PDE4D: variants seen among roughly 807,000 people sequenced by gnomAD.
PDE4D encodes the protein 3',5'-cyclic-AMP phosphodiesterase 4D.
In PDE4D, 24 loss-of-function variants were observed where a neutral mutation model predicts 87.4. The observed-to-expected ratio is 0.27, with a 90% confidence interval of 0.20 to 0.39. PDE4D has a LOEUF of 0.39. Ranked by LOEUF, PDE4D falls within the 10% of genes least tolerant of loss-of-function variation. The pLI is 1.00. For missense variants in PDE4D, 714 were observed against 1,041.0 expected (o/e 0.69, Z 4.32); for synonymous variants, 384 against 383.2 (o/e 1.00, Z -0.02).
At chr5:59,473,710 G>C (rs1212945261) in intron 1 of PDE4D, among the ~76,000 whole-genome samples, 1 of 152,078 alleles carries the variant, frequency 6.6e-6, no homozygotes, top group Admixed American at 6.6e-5. Flanking sequence ...TAAGAAATTT[G>C]TGAAGCTAGA....
At chr5:59,653,546 C>A (rs1348068242) in intron 1 of PDE4D, among the ~76,000 whole-genome samples, 1 of 152,058 alleles carries the variant, frequency 6.6e-6, no homozygotes, top group Non-Finnish European at 1.5e-5. Flanking sequence ...TATAAATAAA[C>A]AATAAGCAGG....
In PDE4D at chr5:59,702,941, A is replaced by G. The variant is rs559844676; in HGVS notation, c.455+190227T>C. On this transcript the variant is annotated intron_variant, in intron 1 of 14. Transcript: ENST00000340635. ...AAAAGCCAAAATGCATCCAAGTATC[A>G]TAAGTGAAAAAGTGAGCTTCTTAGC... Among the ~76,000 whole-genome samples the G allele has an allele frequency of 7.6e-4, 116 of 152,116 alleles. 3 individuals are homozygous for G. In the South Asian group the frequency reaches 0.022, roughly 29 times the overall value.
At chr5:59,672,737 T>C (rs1747433829) in intron 1 of PDE4D, among the ~76,000 whole-genome samples, 1 of 152,130 alleles carries the variant, frequency 6.6e-6, no homozygotes, top group Non-Finnish European at 1.5e-5. Flanking sequence ...ATAGAAAAAA[T>C]GATGCATATG....
At position 59,616,467 on chromosome 5, in the gene PDE4D, A is replaced by C. The variant is rs1829684025; in HGVS notation, c.455+276701T>G. Among the ~76,000 whole-genome samples, 7 of 152,292 alleles carry C rather than the reference A, an allele frequency of 4.6e-5. No individual in the cohort carries two copies. The South Asian group carries it at 1.4e-3, about 32-fold the overall frequency. Reference sequence around the variant, plus strand: ...AGATCTATGATCCCTCAAACCATTAAAAGTTATAACTCTGTGATAAATATA... The same window carrying C: ...AGATCTATGATCCCTCAAACCATTACAAGTTATAACTCTGTGATAAATATA... On this transcript the variant is annotated intron_variant, in intron 1 of 14. Coordinates refer to ENST00000340635, the MANE Select transcript of PDE4D (RefSeq NM_001104631.2).
intron 5 of PDE4D, among the ~76,000 whole-genome samples, chr5:59,104,712 G>C (rs942142245): frequency 1.3e-5 from 2 of 152,036 alleles, no homozygotes; most frequent in Non-Finnish European, 1.5e-5. Context: ...AGGAAAGAAG[G>C]AACAAAGGAA....
intron 1 of PDE4D, among the ~76,000 whole-genome samples, chr5:60,425,159 T>G (rs1743574295): frequency 6.6e-6 from 1 of 152,180 alleles, no homozygotes; most frequent in South Asian, 2.1e-4. Context: ...CCAATGACTT[T>G]CTTCACAGAA....
intron 3 of PDE4D, among the ~76,000 whole-genome samples, chr5:59,966,265 C>T (rs893985745): frequency 6.6e-6 from 1 of 152,206 alleles, no homozygotes; most frequent in Non-Finnish European, 1.5e-5. Flanking sequence ...GCTTCATTGT[C>T]TCATGACCCC....
chr5:59,282,914 A>C (rs1205817700), intron 1 of PDE4D, among the ~76,000 whole-genome samples: 2 of 152,162 alleles, frequency 1.3e-5, no homozygotes, highest in Non-Finnish European at 2.9e-5. Context: ...CTAATGTAAA[A>C]CAGCTGCTCT....
At chr5:59,028,357 A>T (rs1459615174) in intron 6 of PDE4D, among the ~76,000 whole-genome samples, 3 of 151,868 alleles carry the variant, frequency 2.0e-5, no homozygotes, top group Non-Finnish European at 2.9e-5. Context: ...ACTTTATCAA[A>T]AGGATAGAAA....
intron 2 of PDE4D, among the ~76,000 whole-genome samples, chr5:60,078,339 C>T (rs1234498853): frequency 1.3e-5 from 2 of 152,080 alleles, no homozygotes; most frequent in African/African-American, 4.8e-5. Context: ...CTTAGCAATG[C>T]TTTAGTTGTA....
intron 5 of PDE4D, among the ~76,000 whole-genome samples, chr5:59,110,527 T>A (rs185495419): frequency 6.6e-6 from 1 of 152,360 alleles, no homozygotes; most frequent in Non-Finnish European, 1.5e-5. Context: ...TTATCTTATT[T>A]AATCCTTATA....
intron 1 of PDE4D, among the ~76,000 whole-genome samples, chr5:59,599,042 T>C (rs1247742013): frequency 6.6e-6 from 1 of 152,146 alleles, no homozygotes; most frequent in East Asian, 1.9e-4. Context: ...ATCAGAAGCA[T>C]ATTTGCTAGG....
rs183796991 is a variant in PDE4D at position 60,421,534 on chromosome 5, G to T, written c.-90+66408C>A. 7.9e-5 allele frequency among the ~76,000 whole-genome samples: 12 copies of T among 152,308 alleles called. No homozygotes were observed. In the East Asian group the frequency reaches 1.9e-3, roughly 24 times the overall value. ...GGACATCCACACCAAAACCCCATCT[G>T]TAGGTCACCAACATGAAAGACCAAA... On this transcript the variant is annotated intron_variant, in intron 1 of 16. Transcript: ENST00000502484.
At chr5:59,808,409 T>C (rs1767976488) in intron 1 of PDE4D, among the ~76,000 whole-genome samples, 1 of 152,238 alleles carries the variant, frequency 6.6e-6, no homozygotes, top group African/African-American at 2.4e-5. Context: ...ATTTTGGTTT[T>C]AACATACAAG....
chr5:59,292,825 C>T (rs529112759), intron 1 of PDE4D, among the ~76,000 whole-genome samples: 1 of 152,204 alleles, frequency 6.6e-6, no homozygotes, highest in African/African-American at 2.4e-5. Context: ...GTATGGACCA[C>T]AGAACCCTGG....
chr5:59,717,395 TACA>T (rs1037071904), intron 1 of PDE4D, among the ~76,000 whole-genome samples: 1 of 152,182 alleles, frequency 6.6e-6, no homozygotes, highest in Admixed American at 6.5e-5. Flanking sequence ...TACCATCTCA[TACA>T]ACAACTCACT....
intron 1 of PDE4D, among the ~76,000 whole-genome samples, chr5:59,265,209 A>G (rs1026842656): frequency 6.6e-6 from 1 of 151,952 alleles, no homozygotes; most frequent in East Asian, 1.9e-4. Context: ...CAGGTAGCTG[A>G]CCATTCCTTT....
intron 2 of PDE4D, among the ~76,000 whole-genome samples, chr5:60,107,678 T>C (rs991517346): frequency 1.3e-5 from 2 of 152,166 alleles, no homozygotes; most frequent in African/African-American, 4.8e-5. Context: ...GTGGGCTTCA[T>C]CCCTGGGATG....
At position 59,419,087 on chromosome 5, in the gene PDE4D, T is replaced by C. The variant is rs138748352; in HGVS notation, c.456-203119A>G. Among the ~76,000 whole-genome samples the C allele has an allele frequency of 7.1e-3, 1,079 of 152,314 alleles. 9 individuals are homozygous for C. The highest frequency in any genetic ancestry group is 0.012 in the Non-Finnish European group (835 of 68,026). On this transcript the variant is annotated intron_variant, in intron 1 of 14. Transcript: ENST00000340635. ...TTGCAAACTGCAAAGTGCTATGTAATGTGAGTTCATTCTCTGCCAGCCACC... is the reference window on the plus strand; with the variant it reads ...TTGCAAACTGCAAAGTGCTATGTAACGTGAGTTCATTCTCTGCCAGCCACC...
Sources: gnomAD v4.1 joint callset for allele counts (sites outside exome capture counted in the v4.1 genomes callset) on GRCh38, gnomAD v4.1.1 for gene constraint, MANE v1.5 for transcripts, NCBI Gene and HGNC (gene_info 2026-07-23, HGNC 2026-07-21) for gene names.